C6orf132: variants seen among roughly 807,000 people sequenced by gnomAD.
The protein encoded by C6orf132 is uncharacterized protein C6orf132.
Under a neutral mutation model 65.3 loss-of-function variants are expected in C6orf132, and 43 were observed. That is an observed-to-expected ratio of 0.66 (90% CI 0.52 to 0.85). C6orf132 has a LOEUF of 0.85. C6orf132 is among the 40% of genes least tolerant of loss of function. C6orf132 has a pLI of 0.00. For missense variants in C6orf132, 1,488 were observed against 1,548.8 expected (o/e 0.96, Z 0.66); for synonymous variants, 631 against 654.1 (o/e 0.96, Z 0.54).
In C6orf132 at chr6:42,104,728, T is replaced by C. The variant is rs990717864; in HGVS notation, c.3184A>G (p.Ile1062Val). ...ERFSGGGRSL[I>V]KKRLYVGEPH... Reference sequence around the variant, plus strand: ...TCCCCGACGTACAGGCGCTTCTTTATGAGCGAGCGGCCCCCTCCCGAGAAG... The same window carrying C: ...TCCCCGACGTACAGGCGCTTCTTTACGAGCGAGCGGCCCCCTCCCGAGAAG... The change falls in exon 4 of 5, where the codon ATA (isoleucine) becomes GTA (valine). Residue 1062 changes from isoleucine (I) to valine (V), a missense_variant. Coordinates refer to ENST00000341865, the MANE Select transcript of C6orf132 (RefSeq NM_001164446.3). The surrounding 1 kb of genome is among the most constrained non-coding windows in gnomAD (Gnocchi z 4.1). 56 of 1,526,450 alleles carry C rather than the reference T, an allele frequency of 3.7e-5. No homozygotes were observed. The highest frequency in any genetic ancestry group is 4.9e-5 in the Non-Finnish European group (56 of 1,143,076). 94.6% of individuals were successfully genotyped at this position (1,526,450 alleles called of 1,614,324 possible). A position where few individuals can be genotyped will look rare whatever the true frequency, so the allele number is the denominator to read the frequency against.
In C6orf132 at chr6:42,142,552, T is replaced by TCCC; in HGVS notation, c.-111_-109dup. The stretch of plus-strand genomic sequence containing the variant: ...CCCCAGGGGACTCTACCAGGCCATG[T>TCCC]CCCCCGCCGTCCTCCCCGCCCGCGC... On this transcript the variant is annotated 5_prime_UTR_variant, in exon 1 of 5. Transcript: ENST00000341865. 2.9e-6 allele frequency: 2 copies of TCCC among 685,030 alleles called. No individual in the cohort carries two copies. 42.4% of individuals were successfully genotyped at this position (685,030 alleles called of 1,614,324 possible).
chr6:42,139,311 C>G (rs964555947), intron 1 of C6orf132, among the ~76,000 whole-genome samples: 8 of 152,224 alleles, frequency 5.3e-5, no homozygotes, highest in African/African-American at 1.9e-4. Context: ...TTCCTCTATT[C>G]TACAGCAGTG....
At chr6:42,132,938 C>A (rs1766877159) in intron 1 of C6orf132, among the ~76,000 whole-genome samples, 1 of 152,050 alleles carries the variant, frequency 6.6e-6, no homozygotes, top group Non-Finnish European at 1.5e-5. Context: ...CCCCTCAGAC[C>A]TGGCCTAGCT....
chr6:42,104,563 C>T lies in C6orf132; in HGVS notation c.3349G>A (p.Ala1117Thr). ...GCGCCCTCCAGGGACAGCCTCGGCGCGTGCAGGCCTCCGGGGGGCGCGCGA... is the reference window on the plus strand; with the variant it reads ...GCGCCCTCCAGGGACAGCCTCGGCGTGTGCAGGCCTCCGGGGGGCGCGCGA... ...AGRAPPGGLH[A>T]PRLSLEGAAR... The change falls in exon 4 of 5, where the codon GCG becomes ACG. Residue 1117 changes from alanine to threonine, a missense_variant. By Grantham distance (58) the Ala-to-Thr change is moderately conservative. Coordinates refer to ENST00000341865, the MANE Select transcript of C6orf132 (RefSeq NM_001164446.3). This position sits in a 1 kb window ranked among gnomAD's most constrained non-coding sequence, Gnocchi z 4.1. The T allele has an allele frequency of 1.6e-6, 2 of 1,284,144 alleles. No individual in the cohort carries two copies. The highest frequency in any genetic ancestry group is 2.0e-6 in the Non-Finnish European group (2 of 1,018,174). The allele number at this position is 1,284,144 out of a possible 1,614,324, so 79.5% of individuals were successfully genotyped here. A position where few individuals can be genotyped will look rare whatever the true frequency, so the allele number is the denominator to read the frequency against.
In C6orf132 at chr6:42,142,600, C is replaced by A. The variant is rs571855782; in HGVS notation, c.-156G>T. The A allele has an allele frequency of 2.3e-5, 14 of 617,780 alleles. No homozygotes were observed. Among genetic ancestry groups the A allele is most frequent in the African/African-American group, 1.4e-4 (7 of 51,434 alleles). 38.3% of individuals were successfully genotyped at this position (617,780 alleles called of 1,614,324 possible). On this transcript the variant is annotated 5_prime_UTR_variant, in exon 1 of 5. Transcript: ENST00000341865. ...CGCACCGGGCAACAGGTGCTGCGGG[C>A]GCCGCCGCTTGCCGGGAAATGCGAG...
intron 2 of C6orf132, among the ~76,000 whole-genome samples, chr6:42,120,493 G>A (rs972303608): frequency 2.0e-5 from 3 of 151,802 alleles, no homozygotes; most frequent in Non-Finnish European, 4.4e-5. Context: ...TGATCCGCCC[G>A]CCTAGGCCTC....
chr6:42,142,306 C>T lies in C6orf132; in HGVS notation c.139G>A (p.Gly47Ser). Reference sequence around the variant, plus strand: ...CCGTCCCCGGAGTACTCACCGAAGCCCCCGGTCCCCTCCTCCGGGGCCTCC... The same window carrying T: ...CCGTCCCCGGAGTACTCACCGAAGCTCCCGGTCCCCTCCTCCGGGGCCTCC... ...TQEAPEEGTG[G>S]FDGIYYGDNR... is the part of the protein sequence containing the mutation. Residue 47 changes from glycine to serine, a missense_variant, in exon 1 of 5, where the codon GGC (glycine) becomes AGC (serine). By Grantham distance (56) the Gly-to-Ser change is moderately conservative (BLOSUM62 0). Coordinates refer to ENST00000341865, the MANE Select transcript of C6orf132 (RefSeq NM_001164446.3). 1.9e-6 allele frequency: 3 copies of T among 1,550,648 alleles called. No homozygotes were observed. The highest frequency in any genetic ancestry group is 1.2e-5 in the South Asian group (1 of 83,994).
rs200663687 is a variant in C6orf132 at position 42,123,402 on chromosome 6, CGAA to C, written c.252+5267_252+5269del. ...CATCTCAAAAAAAAAAACAAAACAA[CGAA>C]GAAGAAGAAGAAAGAAGAAAGGAGA... On this transcript the variant is annotated intron_variant, in intron 2 of 4. Coordinates refer to ENST00000341865, the MANE Select transcript of C6orf132 (RefSeq NM_001164446.3). Among the ~76,000 whole-genome samples, 733 of 131,254 alleles carry C rather than the reference CGAA, an allele frequency of 5.6e-3. 4 individuals are homozygous for C. The highest frequency in any genetic ancestry group is 8.3e-3 in the Non-Finnish European group (511 of 61,364). 86.1% of individuals were successfully genotyped at this position (131,254 alleles called of 152,430 possible). A position where few individuals can be genotyped will look rare whatever the true frequency, so the allele number is the denominator to read the frequency against.
chr6:42,104,399 C>T lies in C6orf132; in HGVS notation c.3449+64G>A. ...TTTCTCTTGACGGATGGCCGGGACT[C>T]CTTGGCCCTCGCCTGGCTTTCCACC... On this transcript the variant is annotated intron_variant, in intron 4 of 4. Coordinates refer to ENST00000341865, the MANE Select transcript of C6orf132 (RefSeq NM_001164446.3). This position sits in a 1 kb window ranked among gnomAD's most constrained non-coding sequence, Gnocchi z 4.1. 8.1e-7 allele frequency: 1 copy of T among 1,227,622 alleles called. No homozygotes were observed. The highest frequency in any genetic ancestry group is 1.0e-6 in the Non-Finnish European group (1 of 985,618). The allele number at this position is 1,227,622 out of a possible 1,614,324, so 76.0% of individuals were successfully genotyped here.
Position 42,107,053 on chromosome 6 carries a change from C to A in C6orf132, c.859G>T (p.Ala287Ser), listed in dbSNP as rs748254976. ...PRSPAEPKGS[A>S]LGPNPEPHLT... ...TGGGGCTCTGGGTTAGGTCCCAGGG[C>A]GCTCCCCTTTGGCTCAGCAGGGCTT... Residue 287 changes from alanine to serine, a missense_variant, in exon 4 of 5, where the codon GCC becomes TCC. Transcript: ENST00000341865. 1 of 1,498,508 alleles carries A rather than the reference C, an allele frequency of 6.7e-7. No homozygotes were observed. Among genetic ancestry groups the A allele is most frequent in the South Asian group, 1.2e-5 (1 of 80,636 alleles). The allele number at this position is 1,498,508 out of a possible 1,614,324, so 92.8% of individuals were successfully genotyped here. A position where few individuals can be genotyped will look rare whatever the true frequency, so the allele number is the denominator to read the frequency against.
At chr6:42,129,710 C>G (rs769990571) in intron 1 of C6orf132, among the ~76,000 whole-genome samples, 2 of 152,200 alleles carry the variant, frequency 1.3e-5, no homozygotes, top group African/African-American at 2.4e-5. Flanking sequence ...ATTCACACTC[C>G]CTTGGCAGGG....
Position 42,106,281 on chromosome 6 carries a change from G to A in C6orf132, c.1631C>T (p.Pro544Leu), listed in dbSNP as rs1295703684. Residue 544 changes from proline to leucine, a missense_variant, in exon 4 of 5, where the codon CCC (proline) becomes CTC (leucine). Pro to Leu is a moderately conservative substitution (Grantham distance 98, BLOSUM62 -3). Transcript: ENST00000341865. ...GTCCACAGAGGGCAGGGTCAGGCTGGGGGCAGCCTCTGTCTCTGTCAGGCT... is the reference window on the plus strand; with the variant it reads ...GTCCACAGAGGGCAGGGTCAGGCTGAGGGCAGCCTCTGTCTCTGTCAGGCT... Reference protein sequence around the residue: ...GSSLTETEAAPSLTLPSVDYI... With the variant: ...GSSLTETEAALSLTLPSVDYI... The A allele has an allele frequency of 6.5e-7, 1 of 1,536,906 alleles. No homozygotes were observed. Among genetic ancestry groups the A allele is most frequent in the Admixed American group, 2.0e-5 (1 of 50,998 alleles).
In C6orf132 at chr6:42,104,737, G is replaced by T. The variant is rs1176186528; in HGVS notation, c.3175C>A (p.Arg1059Ser). 6.6e-7 allele frequency: 1 copy of T among 1,526,010 alleles called. No individual in the cohort carries two copies. Among genetic ancestry groups the T allele is most frequent in the Non-Finnish European group, 8.8e-7 (1 of 1,142,838 alleles). The allele number at this position is 1,526,010 out of a possible 1,614,324, so 94.5% of individuals were successfully genotyped here. The change falls in exon 4 of 5, where the codon CGC becomes AGC. Residue 1059 changes from arginine (R) to serine (S), a missense_variant. Transcript: ENST00000341865. The surrounding 1 kb of genome is among the most constrained non-coding windows in gnomAD (Gnocchi z 4.1). ...TACAGGCGCTTCTTTATGAGCGAGC[G>T]GCCCCCTCCCGAGAAGCGCTCCAGG... ...GGLERFSGGGRSLIKKRLYVG... is the reference protein window; with the variant it reads ...GGLERFSGGGSSLIKKRLYVG...
At chr6:42,116,449 C>T (rs1582274637) in intron 2 of C6orf132, among the ~76,000 whole-genome samples, 1 of 152,232 alleles carries the variant, frequency 6.6e-6, no homozygotes, top group Admixed American at 6.5e-5. Context: ...CTGAATCCTT[C>T]CTTCCTGCTG....
chr6:42,129,507 G>A (rs1766821104), intron 1 of C6orf132, among the ~76,000 whole-genome samples: 1 of 152,144 alleles, frequency 6.6e-6, no homozygotes, highest in Non-Finnish European at 1.5e-5. Flanking sequence ...GTGTGGCCAG[G>A]GCATAGTAAG....
chr6:42,105,469 C>T lies in C6orf132; in HGVS notation c.2443G>A (p.Ala815Thr), dbSNP rs938474899. Reference protein sequence around the residue: ...EPPGLPAKPPASAQPTDELLR... With the variant: ...EPPGLPAKPPTSAQPTDELLR... ...AGTTCATCAGTGGGCTGGGCCGAGG[C>T]AGGAGGCTTGGCTGGCAGCCCTGGG... Residue 815 changes from alanine to threonine, a missense_variant, in exon 4 of 5, where the codon GCC becomes ACC. Transcript: ENST00000341865. 1 of 1,533,922 alleles carries T rather than the reference C, an allele frequency of 6.5e-7. No homozygotes were observed.
rs975465598 is a variant in C6orf132, at chr6:42,104,575, C to T, written c.3337G>A (p.Gly1113Arg). 10 of 1,323,090 alleles carry T rather than the reference C, an allele frequency of 7.6e-6. No individual in the cohort carries two copies. Among genetic ancestry groups the T allele is most frequent in the East Asian group, 3.1e-5 (1 of 32,074 alleles). The allele number at this position is 1,323,090 out of a possible 1,614,324, so 82.0% of individuals were successfully genotyped here. A position where few individuals can be genotyped will look rare whatever the true frequency, so the allele number is the denominator to read the frequency against. The change falls in exon 4 of 5, where the codon GGA becomes AGA. Residue 1113 changes from glycine (G) to arginine (R), a missense_variant. By Grantham distance (125) the Gly-to-Arg change is moderately radical. Transcript: ENST00000341865. This position sits in a 1 kb window ranked among gnomAD's most constrained non-coding sequence, Gnocchi z 4.1. The part of the protein sequence containing the change: ...RVNSAGRAPP[G>R]GLHAPRLSLE... ...GACAGCCTCGGCGCGTGCAGGCCTC[C>T]GGGGGGCGCGCGACCCGCCGAGTTC...
chr6:42,126,894 G>A, intron 2 of C6orf132: 1 of 414,210 alleles, frequency 2.4e-6, no homozygotes, highest in Non-Finnish European at 4.4e-6. Flanking sequence ...CTGCATTTAT[G>A]GGTGCAATCA....
In C6orf132 at chr6:42,103,799, A is replaced by G. The variant is rs1281066086; in HGVS notation, c.3529T>C (p.Tyr1177His). 34 of 1,488,302 alleles carry G rather than the reference A, an allele frequency of 2.3e-5. No homozygotes were observed. The highest frequency in any genetic ancestry group is 2.9e-5 in the Non-Finnish European group (33 of 1,121,616). The allele number at this position is 1,488,302 out of a possible 1,614,324, so 92.2% of individuals were successfully genotyped here. A position where few individuals can be genotyped will look rare whatever the true frequency, so the allele number is the denominator to read the frequency against. ...VRPGTRHPIS[Y>H]VCSGAHRKAT... ...TTCCGATGGGCCCCTGAGCAGACATAGGAGATGGGATGGCGGGTCCCAGGC... is the reference window on the plus strand; with the variant it reads ...TTCCGATGGGCCCCTGAGCAGACATGGGAGATGGGATGGCGGGTCCCAGGC... The change falls in exon 5 of 5, where the codon TAT becomes CAT. Residue 1177 changes from tyrosine to histidine, a missense_variant. Tyr to His is a moderately conservative substitution (Grantham distance 83, BLOSUM62 2). Transcript: ENST00000341865.
Sources: gnomAD v4.1 joint callset for allele counts (sites outside exome capture counted in the v4.1 genomes callset) on GRCh38, gnomAD v4.1.1 for gene constraint, Gnocchi (gnomAD v3.1) non-coding constraint, MANE v1.5 for transcripts, NCBI Gene and HGNC (gene_info 2026-07-23, HGNC 2026-07-21) for gene names.